DPYD: variants seen among roughly 807,000 people sequenced by gnomAD.
DPYD encodes dihydropyrimidine dehydrogenase [NADP(+)].
DPYD carries 109 observed loss-of-function variants against 116.2 expected under a neutral mutation model. The ratio of observed to expected loss-of-function variants is 0.94; its 90% confidence interval spans 0.80 to 1.10. The LOEUF (loss-of-function observed/expected upper bound fraction) is 1.10, where lower values mean the gene tolerates loss of function less well. Ranked by LOEUF, DPYD falls within the 50% of genes least tolerant of loss-of-function variation. The pLI is 0.00. For missense variants in DPYD, 1,302 were observed against 1,254.5 expected, an observed-to-expected ratio of 1.04 and a Z score of -0.57; for synonymous variants, 440 against 432.0, an observed-to-expected ratio of 1.02 and a Z score of -0.23.
At chr1:97,918,414 G>A (rs1674334759) in intron 1 of DPYD, among the ~76,000 whole-genome samples, 1 of 152,102 alleles carries the variant, frequency 6.6e-6, no homozygotes, top group Non-Finnish European at 1.5e-5. Flanking sequence ...GATTTCTCAT[G>A]CAACTTCTAT....
intron 14 of DPYD, among the ~76,000 whole-genome samples, chr1:97,425,385 C>T (rs1674805931): frequency 6.6e-6 from 1 of 151,848 alleles, no homozygotes; most frequent in African/African-American, 2.4e-5. Flanking sequence ...AAGGCAAAAA[C>T]CATCAAAGTA....
At chr1:97,716,736 A>C (rs1662637291) in intron 5 of DPYD, among the ~76,000 whole-genome samples, 2 of 152,056 alleles carry the variant, frequency 1.3e-5, no homozygotes, top group African/African-American at 4.8e-5. Context: ...CATTCATTTG[A>C]GAATTCCACA....
intron 18 of DPYD, among the ~76,000 whole-genome samples, chr1:97,239,527 C>A (rs1329929466): frequency 1.3e-5 from 2 of 151,954 alleles, no homozygotes; most frequent in Non-Finnish European, 2.9e-5. Flanking sequence ...ACGCTTGACT[C>A]ACAAAACACC....
At chr1:97,711,102 C>G (rs1028880208) in intron 5 of DPYD, among the ~76,000 whole-genome samples, 4 of 151,730 alleles carry the variant, frequency 2.6e-5, no homozygotes, top group African/African-American at 9.7e-5. Context: ...ATTTATATCT[C>G]CAATCCTAAA....
At chr1:97,854,451 A>C (rs1483191320) in intron 2 of DPYD, among the ~76,000 whole-genome samples, 1 of 152,190 alleles carries the variant, frequency 6.6e-6, no homozygotes, top group Non-Finnish European at 1.5e-5. Flanking sequence ...CATCCACTAC[A>C]CTGGGAAGAA....
chr1:97,093,543 A>G (rs72963902), intron 21 of DPYD, among the ~76,000 whole-genome samples: 16,632 of 152,196 alleles, frequency 0.11, 1,359 homozygotes, highest in African/African-American at 0.23. Flanking sequence ...TTCACACATC[A>G]TCTAATTTAT....
At chr1:97,606,384 A>G (rs1410281943) in intron 8 of DPYD, among the ~76,000 whole-genome samples, 1 of 152,040 alleles carries the variant, frequency 6.6e-6, no homozygotes, top group African/African-American at 2.4e-5. Flanking sequence ...CTGCTATGAG[A>G]GAAGGATGCA....
At chr1:97,304,933 G>T (rs1667069048) in intron 18 of DPYD, among the ~76,000 whole-genome samples, 1 of 151,726 alleles carries the variant, frequency 6.6e-6, no homozygotes, top group South Asian at 2.1e-4. Context: ...TATAATGAGG[G>T]TACTTATATT....
chr1:97,650,143 G>A (rs1203845191), intron 8 of DPYD, among the ~76,000 whole-genome samples: 2 of 151,964 alleles, frequency 1.3e-5, no homozygotes, highest in Non-Finnish European at 2.9e-5. Flanking sequence ...CACCCTCATA[G>A]CCCCTTACAT....
At chr1:97,831,497 G>A (rs1013524801) in intron 2 of DPYD, among the ~76,000 whole-genome samples, 7 of 151,998 alleles carry the variant, frequency 4.6e-5, no homozygotes, top group African/African-American at 1.7e-4. Flanking sequence ...TCATTCTTGG[G>A]GATTCTGTAA....
At chr1:97,480,722 T>C (rs1379108723) in intron 13 of DPYD, among the ~76,000 whole-genome samples, 1 of 152,230 alleles carries the variant, frequency 6.6e-6, no homozygotes, top group African/African-American at 2.4e-5. Context: ...GGCTCACGCC[T>C]GTAATCCCAG....
At chr1:97,566,697 CT>C (rs1652542247) in intron 11 of DPYD, among the ~76,000 whole-genome samples, 1 of 152,066 alleles carries the variant, frequency 6.6e-6, no homozygotes, top group Admixed American at 6.6e-5. Context: ...ATTTTTCCCC[CT>C]TCCCCTTTAT....
intron 3 of DPYD, among the ~76,000 whole-genome samples, chr1:97,805,232 G>C (rs1027146346): frequency 1.3e-5 from 2 of 151,822 alleles, no homozygotes; most frequent in Admixed American, 6.6e-5. Context: ...CTGTAAGTTT[G>C]AGATTCAAGA....
intron 13 of DPYD, among the ~76,000 whole-genome samples, chr1:97,501,363 T>G (rs531112350): frequency 6.6e-6 from 1 of 152,096 alleles, no homozygotes; most frequent in South Asian, 2.1e-4. Context: ...CTATAGTAAC[T>G]TGAGTAAATT....
intron 12 of DPYD, chr1:97,546,882 G>A (rs1012393424): frequency 4.3e-6 from 7 of 1,609,412 alleles, no homozygotes; most frequent in Non-Finnish European, 5.9e-6. Flanking sequence ...CAGCAATAGA[G>A]GGGGATGAAG....
chr1:97,824,620 A>C (rs940718281), intron 3 of DPYD, among the ~76,000 whole-genome samples: 1 of 152,190 alleles, frequency 6.6e-6, no homozygotes, highest in Non-Finnish European at 1.5e-5. Flanking sequence ...AGGTCTGGGC[A>C]GCATTGGTCT....
chr1:97,410,091 G>C (rs1408667181), intron 14 of DPYD, among the ~76,000 whole-genome samples: 1 of 142,020 alleles, frequency 7.0e-6, no homozygotes, highest in African/African-American at 2.6e-5. Flanking sequence ...AGAAGAAGAA[G>C]AAGAAAAAAA....
At chr1:97,497,064 C>T (rs1415945912) in intron 13 of DPYD, among the ~76,000 whole-genome samples, 1 of 151,794 alleles carries the variant, frequency 6.6e-6, no homozygotes, top group Non-Finnish European at 1.5e-5. Context: ...CTTTTTTTAA[C>T]ACTCACAGTC....
intron 2 of DPYD, among the ~76,000 whole-genome samples, chr1:97,878,767 G>A (rs181634039): frequency 1.9e-3 from 282 of 151,960 alleles, no homozygotes; most frequent in Admixed American, 7.3e-3. Context: ...TCATTAAAAC[G>A]CCTTAACTGT....
Sources: gnomAD v4.1 joint callset for allele counts (sites outside exome capture counted in the v4.1 genomes callset) on GRCh38, gnomAD v4.1.1 for gene constraint, MANE v1.5 for transcripts, NCBI Gene and HGNC (gene_info 2026-07-23, HGNC 2026-07-21) for gene names.